Variants in WWOX observed in about 807,000 individuals in gnomAD.
WWOX encodes the protein WW domain containing oxidoreductase.
Under a neutral mutation model 46.2 loss-of-function variants are expected in WWOX, and 69 were observed. The observed-to-expected ratio is 1.49, with a 90% CI of 1.23 to 1.82. The LOEUF (loss-of-function observed/expected upper bound fraction) is 1.82. Ranked by LOEUF, WWOX falls within the 40% of genes most tolerant of loss-of-function variation. The pLI is 0.00. For synonymous variants in WWOX, 359 were observed against 202.6 expected, an observed-to-expected ratio of 1.77 and a Z score of -6.56; for missense variants, 919 against 542.6, an observed-to-expected ratio of 1.69 and a Z score of -6.89.
At chr16:79,167,460 G>T (rs960009752) in intron 8 of WWOX, among the ~76,000 whole-genome samples, 3 of 152,094 alleles carry the variant, frequency 2.0e-5, no homozygotes, top group African/African-American at 7.2e-5. Context: ...GACATTTAGT[G>T]AAGGAATGGG....
At chr16:78,219,223 T>C (rs973373721) in intron 5 of WWOX, among the ~76,000 whole-genome samples, 2 of 152,102 alleles carry the variant, frequency 1.3e-5, no homozygotes, top group Non-Finnish European at 2.9e-5. Context: ...AATCACTGGA[T>C]TTGAAGTTGG....
intron 8 of WWOX, among the ~76,000 whole-genome samples, chr16:78,931,381 C>G (rs1220523661): frequency 2.6e-5 from 4 of 152,178 alleles, no homozygotes; most frequent in Admixed American, 2.6e-4. Context: ...AGGAAATGAA[C>G]AGGACGGAAG....
rs2656651 is a variant in WWOX at position 79,053,114 on chromosome 16, C to T, written c.1057-158494C>T. Among the ~76,000 whole-genome samples, 1,171 of 152,130 alleles carry T rather than the reference C, an allele frequency of 7.7e-3. 8 individuals are homozygous for T. Among genetic ancestry groups the T allele is most frequent in the African/African-American group, 0.025 (1,022 of 41,480 alleles). ...GATGAAATCTTTTGATCATGTTCTT[C>T]ACAATATTAGAGGTAAAACATGAAC... On this transcript the variant is annotated intron_variant, in intron 8 of 8. Transcript: ENST00000566780.
At chr16:78,814,049 C>A (rs1466071743) in intron 8 of WWOX, among the ~76,000 whole-genome samples, 1 of 152,156 alleles carries the variant, frequency 6.6e-6, no homozygotes, top group African/African-American at 2.4e-5. Context: ...TGCTGAATAT[C>A]TGCACTTACC....
chr16:78,449,984 A>T (rs1436509186), intron 8 of WWOX, among the ~76,000 whole-genome samples: 1 of 151,842 alleles, frequency 6.6e-6, no homozygotes, highest in African/African-American at 2.4e-5. Context: ...ATGTAATCCT[A>T]GGATTTGTTG....
chr16:78,772,573 C>T (rs1371487368), intron 8 of WWOX, among the ~76,000 whole-genome samples: 2 of 152,076 alleles, frequency 1.3e-5, no homozygotes, highest in African/African-American at 4.8e-5. Flanking sequence ...TTGTAGGTAA[C>T]AAATACTTTG....
chr16:78,424,369 C>T (rs1393350590), intron 6 of WWOX, among the ~76,000 whole-genome samples: 3 of 152,206 alleles, frequency 2.0e-5, no homozygotes, highest in African/African-American at 4.8e-5. Context: ...GTCCACCTGC[C>T]TTGGCCTCCC....
At chr16:78,881,563 C>G (rs760622124) in intron 8 of WWOX, among the ~76,000 whole-genome samples, 4 of 152,166 alleles carry the variant, frequency 2.6e-5, no homozygotes, top group Non-Finnish European at 5.9e-5. Flanking sequence ...AACCTCAAGG[C>G]AATTGCTGTC....
intron 5 of WWOX, among the ~76,000 whole-genome samples, chr16:78,183,129 C>G (rs967445489): frequency 6.6e-6 from 1 of 152,018 alleles, no homozygotes; most frequent in African/African-American, 2.4e-5. Flanking sequence ...TTATTCTATA[C>G]CAGCCGTCCC....
chr16:79,123,715 T>A (rs1263187380), intron 8 of WWOX, among the ~76,000 whole-genome samples: 1 of 152,092 alleles, frequency 6.6e-6, no homozygotes, highest in Admixed American at 6.5e-5. Context: ...TGTAGGAACA[T>A]GAAATAATGT....
At chr16:79,048,945 C>T (rs982894216) in intron 8 of WWOX, among the ~76,000 whole-genome samples, 1 of 152,168 alleles carries the variant, frequency 6.6e-6, no homozygotes, top group Non-Finnish European at 1.5e-5. Context: ...GGGAGTTAAA[C>T]ACAGGTGTCC....
At position 78,935,916 on chromosome 16, in the gene WWOX, T is replaced by A. The variant is rs538923925; in HGVS notation, c.1057-275692T>A. On this transcript the variant is annotated intron_variant, in intron 8 of 8. Transcript: ENST00000566780. ...GACAGAGTGAGACCCTGTCTCAAAA[T>A]AAAATAAAATAAAATAAGCAGCAGC... Among the ~76,000 whole-genome samples, 4 of 151,218 alleles carry A rather than the reference T, an allele frequency of 2.6e-5. No homozygotes were observed. The East Asian group carries it at 7.8e-4, about 30-fold the overall frequency.
intron 8 of WWOX, among the ~76,000 whole-genome samples, chr16:79,188,446 C>T (rs940759917): frequency 3.3e-5 from 5 of 152,134 alleles, no homozygotes; most frequent in African/African-American, 1.2e-4. Flanking sequence ...CACGGATTTC[C>T]AAAATTTCTT....
chr16:78,878,129 GC>G (rs2044270583), intron 8 of WWOX, among the ~76,000 whole-genome samples: 1 of 152,158 alleles, frequency 6.6e-6, no homozygotes, highest in South Asian at 2.1e-4. Flanking sequence ...GAATACAACT[GC>G]CCTGCCTCTT....
rs1567658713 is a variant in WWOX at position 78,580,074 on chromosome 16, A to AT, written c.1056+147322_1056+147323insT. Among the ~76,000 whole-genome samples, 644 of 145,704 alleles carry AT rather than the reference A, an allele frequency of 4.4e-3. 7 individuals are homozygous for AT. The highest frequency in any genetic ancestry group is 0.016 in the African/African-American group (615 of 39,116). On this transcript the variant is annotated intron_variant, in intron 8 of 8. Coordinates refer to ENST00000566780, the MANE Select transcript of WWOX (RefSeq NM_016373.4). Reference sequence around the variant, plus strand: ...GTTTGCTGTTTTCTTTGACAGAGGAAATTTTTTTTTTTTTTTTGAGACCGA... The same window carrying AT: ...GTTTGCTGTTTTCTTTGACAGAGGAATATTTTTTTTTTTTTTTTGAGACCGA...
chr16:78,531,313 T>G (rs2043615617), intron 8 of WWOX, among the ~76,000 whole-genome samples: 1 of 152,158 alleles, frequency 6.6e-6, no homozygotes. Context: ...TTTATTTCCT[T>G]TTTGTTTTTC....
intron 5 of WWOX, among the ~76,000 whole-genome samples, chr16:78,214,869 G>A (rs1394150906): frequency 6.6e-6 from 1 of 151,496 alleles, no homozygotes; most frequent in Non-Finnish European, 1.5e-5. Context: ...AAAATTTGGA[G>A]CTGGGCTGGA....
At chr16:78,735,065 C>T (rs1368268622) in intron 8 of WWOX, among the ~76,000 whole-genome samples, 1 of 151,202 alleles carries the variant, frequency 6.6e-6, no homozygotes, top group Non-Finnish European at 1.5e-5. Flanking sequence ...CAGGGTTTCA[C>T]CATGTTGGCC....
intron 8 of WWOX, among the ~76,000 whole-genome samples, chr16:78,585,215 C>T (rs2045166264): frequency 6.6e-6 from 1 of 152,152 alleles, no homozygotes; most frequent in Non-Finnish European, 1.5e-5. Flanking sequence ...ATGGTGTGGC[C>T]CATAAAATGT....
Sources: allele counts gnomAD v4.1 joint callset (sites outside exome capture counted in the v4.1 genomes callset), GRCh38; gene constraint gnomAD v4.1.1; transcripts MANE v1.5; gene names NCBI Gene and HGNC (gene_info 2026-07-23, HGNC 2026-07-21).